DCC: variants seen among roughly 807,000 people sequenced by gnomAD.
DCC encodes DCC netrin 1 receptor, also known as netrin receptor DCC.
In DCC, 58 loss-of-function variants were observed where a neutral mutation model predicts 172.5. That is an observed-to-expected ratio of 0.34 (90% CI 0.27 to 0.42). The LOEUF (loss-of-function observed/expected upper bound fraction) is 0.42, where lower values mean the gene tolerates loss of function less well. DCC is among the 10% of genes least tolerant of loss of function. The pLI is 1.00. For synonymous variants in DCC, 709 were observed against 644.5 expected, an observed-to-expected ratio of 1.10 and a Z score of -1.52; for missense variants, 1,740 against 1,791.0, an observed-to-expected ratio of 0.97 and a Z score of 0.51.
Position 52,906,312 on chromosome 18 carries a change from A to G in DCC, c.681A>G (p.Glu227=). Residue 227 remains glutamate (E), a synonymous_variant, in exon 3 of 29, where the codon GAA becomes GAG. Coordinates refer to ENST00000442544, the MANE Select transcript of DCC (RefSeq NM_005215.4). ...PASSRTGNEA[E]VRILSDPGLH... ...GCTCAAGAACAGGAAATGAAGCAGA[A>G]GTCAGAATTTTATCAGGTATTGCAA... 1 of 1,613,988 alleles carries G rather than the reference A, an allele frequency of 6.2e-7. No individual in the cohort carries two copies. Among genetic ancestry groups the G allele is most frequent in the South Asian group, 1.1e-5 (1 of 91,092 alleles).
intron 7 of DCC, among the ~76,000 whole-genome samples, chr18:53,131,629 A>G (rs1792469173): frequency 6.6e-6 from 1 of 152,152 alleles, no homozygotes; most frequent in African/African-American, 2.4e-5. Context: ...AGAACCTATG[A>G]CATGCCCATC....
intron 12 of DCC, among the ~76,000 whole-genome samples, chr18:53,226,600 T>C (rs1312823203): frequency 6.6e-6 from 1 of 152,034 alleles, no homozygotes; most frequent in Admixed American, 6.6e-5. Flanking sequence ...TTCCAAGTTA[T>C]ATAATATATT....
At chr18:52,881,120 G>A (rs1267870447) in intron 2 of DCC, among the ~76,000 whole-genome samples, 1 of 152,052 alleles carries the variant, frequency 6.6e-6, no homozygotes. Context: ...ATGATGTTGA[G>A]CACTTTTTCA....
At chr18:52,671,884 A>C (rs914866074) in intron 1 of DCC, among the ~76,000 whole-genome samples, 1 of 152,150 alleles carries the variant, frequency 6.6e-6, no homozygotes, top group African/African-American at 2.4e-5. Context: ...AAACTCTTGA[A>C]AAGGAAGTAA....
intron 2 of DCC, among the ~76,000 whole-genome samples, chr18:52,774,401 A>G (rs1157027944): frequency 6.6e-6 from 1 of 152,226 alleles, no homozygotes; most frequent in African/African-American, 2.4e-5. Flanking sequence ...GAAAGGGCAG[A>G]ATGAGGAAGT....
intron 5 of DCC, among the ~76,000 whole-genome samples, chr18:52,943,913 C>G (rs1257412466): frequency 6.6e-6 from 1 of 152,092 alleles, no homozygotes; most frequent in Non-Finnish European, 1.5e-5. Flanking sequence ...CGACAACCGG[C>G]TAACGACTTT....
At chr18:52,398,556 A>G (rs890761884) in intron 1 of DCC, among the ~76,000 whole-genome samples, 2 of 152,000 alleles carry the variant, frequency 1.3e-5, no homozygotes, top group South Asian at 2.1e-4. Context: ...TTCAACATCC[A>G]CTATGCATAG....
chr18:52,644,809 AAGGGAGGGAGGG>A (rs779171722), intron 1 of DCC, among the ~76,000 whole-genome samples: 9 of 104,046 alleles, frequency 8.7e-5, no homozygotes, highest in African/African-American at 2.6e-4. Context: ...GGAAGGAAGG[AAGGGAGGGAGGG>A]AGGGAGGGAG....
intron 1 of DCC, among the ~76,000 whole-genome samples, chr18:52,477,245 G>A (rs966059645): frequency 6.6e-6 from 1 of 152,142 alleles, no homozygotes; most frequent in African/African-American, 2.4e-5. Context: ...CCTGCATCAT[G>A]CGAAGAGATT....
intron 23 of DCC, among the ~76,000 whole-genome samples, chr18:53,453,762 G>T (rs1599167988): frequency 6.6e-6 from 1 of 152,100 alleles, no homozygotes; most frequent in Non-Finnish European, 1.5e-5. Context: ...TAATACTTGG[G>T]TGGCAGTTTC....
chr18:52,441,036 G>A (rs1261377993), intron 1 of DCC, among the ~76,000 whole-genome samples: 1 of 152,156 alleles, frequency 6.6e-6, no homozygotes, highest in African/African-American at 2.4e-5. Context: ...AAATCTGTGG[G>A]TACATTTGTC....
chr18:52,827,755 C>A (rs2038537799), intron 2 of DCC, among the ~76,000 whole-genome samples: 1 of 152,136 alleles, frequency 6.6e-6, no homozygotes, highest in Admixed American at 6.5e-5. Context: ...TTCATTTAGT[C>A]TTTATGTGAC....
intron 1 of DCC, among the ~76,000 whole-genome samples, chr18:52,470,659 A>G (rs986233467): frequency 6.6e-6 from 1 of 152,190 alleles, no homozygotes; most frequent in African/African-American, 2.4e-5. Flanking sequence ...CAGGAACCCC[A>G]GTGACTTCCT....
intron 2 of DCC, among the ~76,000 whole-genome samples, chr18:52,893,952 A>C (rs940266657): frequency 6.6e-6 from 1 of 152,114 alleles, no homozygotes; most frequent in African/African-American, 2.4e-5. Context: ...AAAAAACATA[A>C]GTTTTCGAAC....
chr18:53,051,102 C>G (rs537600682), intron 5 of DCC, among the ~76,000 whole-genome samples: 1 of 151,882 alleles, frequency 6.6e-6, no homozygotes, highest in African/African-American at 2.4e-5. Context: ...TGGTGGCGTG[C>G]GCCTGTAATC....
chr18:52,786,204 C>T (rs1315225161), intron 2 of DCC, among the ~76,000 whole-genome samples: 2 of 152,040 alleles, frequency 1.3e-5, no homozygotes, highest in Non-Finnish European at 2.9e-5. Flanking sequence ...AGGTTATGGG[C>T]ATCCTATTTA....
At chr18:52,796,423 C>G (rs952415314) in intron 2 of DCC, among the ~76,000 whole-genome samples, 4 of 152,030 alleles carry the variant, frequency 2.6e-5, no homozygotes, top group African/African-American at 9.7e-5. Flanking sequence ...TTTATACTTT[C>G]ATGTATTTCC....
intron 5 of DCC, among the ~76,000 whole-genome samples, chr18:53,059,524 C>G (rs542545224): frequency 6.6e-6 from 1 of 152,124 alleles, no homozygotes; most frequent in South Asian, 2.1e-4. Context: ...ATGTTTAGAC[C>G]TTTTTAAGAC....
chr18:52,533,798 A>C (rs889470504), intron 1 of DCC, among the ~76,000 whole-genome samples: 5 of 152,188 alleles, frequency 3.3e-5, no homozygotes. Context: ...ATTGCATGTA[A>C]ATTTCCTAAG....
Sources: allele counts gnomAD v4.1 joint callset (sites outside exome capture counted in the v4.1 genomes callset), GRCh38; gene constraint gnomAD v4.1.1; transcripts MANE v1.5; gene names NCBI Gene and HGNC (gene_info 2026-07-23, HGNC 2026-07-21).